NRG1: variants seen among roughly 807,000 people sequenced by gnomAD.
NRG1 encodes the protein neuregulin 1.
A neutral mutation model predicts 63.8 loss-of-function variants in NRG1; 18 were observed. The observed-to-expected ratio is 0.28, with a 90% CI of 0.19 to 0.42. The LOEUF is 0.42. NRG1 is among the 10% of genes least tolerant of loss of function. The pLI is 1.00. For synonymous variants in NRG1, 302 were observed against 301.3 expected (o/e 1.00, Z -0.02); for missense variants, 762 against 814.7 (o/e 0.94, Z 0.79).
chr8:32,545,245 G>A (rs770109786), upstream of NRG1, among the ~76,000 whole-genome samples: 1 of 148,670 alleles, frequency 6.7e-6, no homozygotes, highest in African/African-American at 2.5e-5. Context: ...AGTGGCACAC[G>A]ATTGCGTTTC....
At chr8:31,802,591 G>A (rs546496764) in intron 1 of NRG1, among the ~76,000 whole-genome samples, 27 of 152,130 alleles carry the variant, frequency 1.8e-4, no homozygotes, top group South Asian at 4.2e-4. Flanking sequence ...TGAAAAAGTC[G>A]CCCTTCCTAT....
At chr8:31,912,760 T>C (rs1209626740) in intron 1 of NRG1, among the ~76,000 whole-genome samples, 2 of 152,072 alleles carry the variant, frequency 1.3e-5, no homozygotes, top group African/African-American at 2.4e-5. Flanking sequence ...GAAACAGATA[T>C]CTGTGAAACT....
chr8:32,428,494 G>A (rs1817705037), intron 1 of NRG1, among the ~76,000 whole-genome samples: 1 of 152,162 alleles, frequency 6.6e-6, no homozygotes, highest in South Asian at 2.1e-4. Context: ...AGCCCTAAAT[G>A]GAAGACACAT....
At chr8:32,071,407 A>G (rs10089149) in intron 1 of NRG1, among the ~76,000 whole-genome samples, 148,671 of 152,276 alleles carry the variant, frequency 0.98, 72,677 homozygotes, top group East Asian at 1. Context: ...ATTAGACACG[A>G]TCTTCTCAGT....
chr8:32,180,016 C>A (rs577983002), intron 1 of NRG1, among the ~76,000 whole-genome samples: 13 of 152,088 alleles, frequency 8.5e-5, no homozygotes, highest in East Asian at 1.9e-4. Context: ...ATTTTTTAAA[C>A]CTGAGCATAT....
At chr8:32,710,799 T>C (rs555141084) in intron 5 of NRG1, among the ~76,000 whole-genome samples, 44 of 152,210 alleles carry the variant, frequency 2.9e-4, no homozygotes, top group Non-Finnish European at 5.6e-4. Flanking sequence ...GAAAGCTTAA[T>C]GAAAAATATA....
At chr8:32,635,123 T>C (rs1254548501) in intron 5 of NRG1, among the ~76,000 whole-genome samples, 4 of 152,210 alleles carry the variant, frequency 2.6e-5, no homozygotes, top group African/African-American at 9.6e-5. Context: ...ATTCAAATCA[T>C]GCCTTCACTT....
At chr8:31,791,650 G>T (rs1323026649) in intron 1 of NRG1, among the ~76,000 whole-genome samples, 2 of 152,082 alleles carry the variant, frequency 1.3e-5, no homozygotes, top group African/African-American at 4.8e-5. Context: ...TCTTCATGAG[G>T]TTTTCTTGAG....
chr8:31,827,089 A>C (rs183216717), intron 1 of NRG1, among the ~76,000 whole-genome samples: 1 of 152,136 alleles, frequency 6.6e-6, no homozygotes, highest in East Asian at 1.9e-4. Flanking sequence ...CTAGAATTAT[A>C]TTTTGTTTTT....
At chr8:32,515,351 G>A (rs1207963271) in intron 1 of NRG1, among the ~76,000 whole-genome samples, 2 of 152,120 alleles carry the variant, frequency 1.3e-5, no homozygotes, top group Admixed American at 1.3e-4. Context: ...TTTCTTTGAT[G>A]ATTAGTGATG....
chr8:32,347,118 C>T (rs556625741), intron 1 of NRG1, among the ~76,000 whole-genome samples: 4 of 152,206 alleles, frequency 2.6e-5, no homozygotes, highest in Admixed American at 1.3e-4. Flanking sequence ...CATGAGCCAC[C>T]GTGCCCGGCC....
chr8:32,580,041 A>C (rs1166556994), intron 1 of NRG1, among the ~76,000 whole-genome samples: 2 of 152,164 alleles, frequency 1.3e-5, no homozygotes, highest in African/African-American at 2.4e-5. Flanking sequence ...GTGAACCTGG[A>C]TAATATAGTC....
At chr8:31,877,483 A>ATG (rs34418283) in intron 1 of NRG1, among the ~76,000 whole-genome samples, 9,128 of 150,890 alleles carry the variant, frequency 0.06, 334 homozygotes, top group Admixed American at 0.12. Context: ...CCATGTATGT[A>ATG]TGTGTGTGTG....
intron 1 of NRG1, among the ~76,000 whole-genome samples, chr8:32,315,022 C>T (rs1857225342): frequency 1.4e-5 from 2 of 147,562 alleles, no homozygotes; most frequent in African/African-American, 2.6e-5. Context: ...CCTGCAGACC[C>T]TCATCTAAGC....
chr8:31,697,897 T>G (rs1010449526), intron 1 of NRG1, among the ~76,000 whole-genome samples: 4 of 77,936 alleles, frequency 5.1e-5, no homozygotes, highest in African/African-American at 1.6e-4. Flanking sequence ...TCTTTCTTTC[T>G]TTTTTTTTTT....
intron 1 of NRG1, among the ~76,000 whole-genome samples, chr8:31,889,647 C>A (rs1830994477): frequency 6.6e-6 from 1 of 152,142 alleles, no homozygotes; most frequent in Non-Finnish European, 1.5e-5. Flanking sequence ...TTGGAAATGG[C>A]TCAGGTTTGC....
intron 1 of NRG1, among the ~76,000 whole-genome samples, chr8:31,833,829 G>T (rs1825405403): frequency 6.6e-6 from 1 of 151,898 alleles, no homozygotes; most frequent in South Asian, 2.1e-4. Context: ...AGGTATAAGT[G>T]GGTTAATTCT....
exon 4 of NRG1, chr8:32,614,540 A>G: frequency 6.8e-6 from 11 of 1,612,788 alleles, no homozygotes; most frequent in Non-Finnish European, 9.3e-6. Context: ...GCCAGCCTCA[A>G]CTGAAGGAGC....
At chr8:32,358,368 GAAA>G (rs34976612) in intron 1 of NRG1, among the ~76,000 whole-genome samples, 19,300 of 98,998 alleles carry the variant, frequency 0.19, 1,800 homozygotes, top group East Asian at 0.54. Flanking sequence ...TGCCATTTAT[GAAA>G]AAAAAAAAAA....
Sources: allele counts gnomAD v4.1 joint callset (sites outside exome capture counted in the v4.1 genomes callset), GRCh38; gene constraint gnomAD v4.1.1; transcripts MANE v1.5; gene names NCBI Gene and HGNC (gene_info 2026-07-23, HGNC 2026-07-21).